The following MACROD2 variants were observed in gnomAD, a reference collection of about 807,000 sequenced individuals.
MACROD2 encodes mono-ADP ribosylhydrolase 2, also known as ADP-ribose glycohydrolase MACROD2.
Under a neutral mutation model 70.4 loss-of-function variants are expected in MACROD2, and 36 were observed. That is an observed-to-expected ratio of 0.51 (90% CI 0.39 to 0.68). The LOEUF is 0.68. Ranked by LOEUF, MACROD2 falls within the 30% of genes least tolerant of loss-of-function variation. The probability of loss-of-function intolerance (pLI) is 0.00; values close to 1 mark genes in which losing one functional copy is unlikely to be tolerated. For synonymous variants in MACROD2, 172 were observed against 178.8 expected (o/e 0.96, Z 0.30); for missense variants, 496 against 538.4 (o/e 0.92, Z 0.78).
intron 8 of MACROD2, among the ~76,000 whole-genome samples, chr20:15,521,519 A>C (rs73098214): frequency 0.077 from 11,796 of 152,282 alleles, 515 homozygotes; most frequent in Non-Finnish European, 0.1. Flanking sequence ...TTTATTGTGG[A>C]GAATGCTAAA....
intron 4 of MACROD2, among the ~76,000 whole-genome samples, chr20:14,631,392 G>C (rs1984496719): frequency 6.6e-6 from 1 of 152,168 alleles, no homozygotes. Context: ...CTCCTGATCA[G>C]TTCATTAGAA....
At chr20:15,288,735 G>C (rs1288845224) in intron 6 of MACROD2, among the ~76,000 whole-genome samples, 1 of 152,130 alleles carries the variant, frequency 6.6e-6, no homozygotes, top group African/African-American at 2.4e-5. Context: ...GATTTGTACT[G>C]AGTCATGCTA....
At chr20:14,491,406 C>A (rs1299908231) in intron 3 of MACROD2, among the ~76,000 whole-genome samples, 4 of 152,124 alleles carry the variant, frequency 2.6e-5, no homozygotes. Context: ...AATTAAGATT[C>A]TATTACATGG....
At position 14,467,250 on chromosome 20, in the gene MACROD2, C is replaced by G. The variant is rs1437628459; in HGVS notation, c.272-26229C>G. Reference sequence around the variant, plus strand: ...TGAGCAATGGCAGGCGCCCCTCCCCCCAGCCTCGCTGCCACCTTGCTGTTT... The same window carrying G: ...TGAGCAATGGCAGGCGCCCCTCCCCGCAGCCTCGCTGCCACCTTGCTGTTT... On this transcript the variant is annotated intron_variant, in intron 3 of 17. Transcript: ENST00000684519. Among the ~76,000 whole-genome samples, 4 of 152,176 alleles carry G rather than the reference C, an allele frequency of 2.6e-5. No homozygotes were observed. The South Asian group carries it at 6.2e-4, about 24-fold the overall frequency.
At chr20:14,274,752 T>C (rs1023395330) in intron 3 of MACROD2, among the ~76,000 whole-genome samples, 2 of 151,960 alleles carry the variant, frequency 1.3e-5, no homozygotes, top group African/African-American at 4.8e-5. Flanking sequence ...AAAACCCCAT[T>C]GTCTCAGCCC....
chr20:15,863,011 A>G lies in MACROD2; in HGVS notation c.727+185A>G, dbSNP rs562513848. On this transcript the variant is annotated intron_variant, in intron 9 of 17. Coordinates refer to ENST00000684519, the MANE Select transcript of MACROD2 (RefSeq NM_001351661.2). ...TAGGCTGTGGAACTCTTGCCCCAAG[A>G]GGTCACTGTGTTGTCTTGGGGAAGT... Among the ~76,000 whole-genome samples, 45 of 151,790 alleles carry G rather than the reference A, an allele frequency of 3.0e-4. No individual in the cohort carries two copies. In the East Asian group the frequency reaches 8.4e-3, roughly 28 times the overall value.
At chr20:14,378,623 T>C (rs1281297966) in intron 3 of MACROD2, among the ~76,000 whole-genome samples, 1 of 152,202 alleles carries the variant, frequency 6.6e-6, no homozygotes, top group East Asian at 1.9e-4. Flanking sequence ...CAGTAGGTAA[T>C]AAAAGAGAGT....
intron 2 of MACROD2, chr20:14,051,836 A>G (rs554516732): frequency 2.1e-6 from 1 of 483,848 alleles, no homozygotes; most frequent in South Asian, 1.5e-5. Context: ...TGAAAGGCCC[A>G]TCCTTTTTGT....
At chr20:15,358,321 T>C (rs1324553850) in intron 6 of MACROD2, among the ~76,000 whole-genome samples, 2 of 152,186 alleles carry the variant, frequency 1.3e-5, no homozygotes, top group East Asian at 1.9e-4. Context: ...AATTTGAACA[T>C]GAAGGAGACT....
At chr20:14,881,510 C>G (rs1245068475) in intron 5 of MACROD2, among the ~76,000 whole-genome samples, 1 of 151,912 alleles carries the variant, frequency 6.6e-6, no homozygotes. Flanking sequence ...TGGGGTAATT[C>G]ATAAATTCCC....
chr20:15,539,305 A>C (rs1372730302), intron 8 of MACROD2, among the ~76,000 whole-genome samples: 1 of 152,240 alleles, frequency 6.6e-6, no homozygotes, highest in Non-Finnish European at 1.5e-5. Context: ...AAGAAGGAGC[A>C]TGTGGGGCTT....
intron 5 of MACROD2, among the ~76,000 whole-genome samples, chr20:15,187,143 A>G (rs1402239901): frequency 6.6e-6 from 1 of 152,234 alleles, no homozygotes; most frequent in African/African-American, 2.4e-5. Context: ...AGCTAGTTTT[A>G]GGAGGCTGCT....
At chr20:15,113,808 G>A (rs956132565) in intron 5 of MACROD2, among the ~76,000 whole-genome samples, 6 of 149,412 alleles carry the variant, frequency 4.0e-5, no homozygotes, top group African/African-American at 1.5e-4. Flanking sequence ...GTGCTGGAGG[G>A]GTTTTTCAGC....
intron 15 of MACROD2, among the ~76,000 whole-genome samples, chr20:16,018,207 A>G (rs2147545146): frequency 6.6e-6 from 1 of 152,334 alleles, no homozygotes; most frequent in Middle Eastern, 3.4e-3. Flanking sequence ...AGAGAAATTA[A>G]GTGCCTAGAA....
At chr20:14,551,468 A>G (rs1472045120) in intron 4 of MACROD2, among the ~76,000 whole-genome samples, 1 of 152,204 alleles carries the variant, frequency 6.6e-6, no homozygotes, top group Admixed American at 6.6e-5. Flanking sequence ...CACACCTCAT[A>G]ATTTCTGACA....
intron 8 of MACROD2, among the ~76,000 whole-genome samples, chr20:15,514,387 T>TA (rs1243790340): frequency 2.6e-5 from 4 of 152,220 alleles, no homozygotes; most frequent in Non-Finnish European, 5.9e-5. Context: ...ACTATACTTT[T>TA]ACTGTACCTT....
At chr20:15,948,376 C>A (rs2065854966) in intron 12 of MACROD2, among the ~76,000 whole-genome samples, 1 of 47,752 alleles carries the variant, frequency 2.1e-5, no homozygotes, top group African/African-American at 7.8e-5. Flanking sequence ...TTAAATCTTG[C>A]AACTGCAAAA....
intron 8 of MACROD2, among the ~76,000 whole-genome samples, chr20:15,644,788 C>T (rs1198655200): frequency 6.6e-6 from 1 of 152,134 alleles, no homozygotes; most frequent in Non-Finnish European, 1.5e-5. Flanking sequence ...CTCCCAGGCT[C>T]AAGTGATTCT....
At chr20:15,572,527 A>G (rs1231729777) in intron 8 of MACROD2, among the ~76,000 whole-genome samples, 1 of 152,098 alleles carries the variant, frequency 6.6e-6, no homozygotes, top group Non-Finnish European at 1.5e-5. Flanking sequence ...ACTGCTGGTA[A>G]ATTTAGCTAA....
Sources: gnomAD v4.1 joint callset for allele counts (sites outside exome capture counted in the v4.1 genomes callset) on GRCh38, gnomAD v4.1.1 for gene constraint, MANE v1.5 for transcripts, NCBI Gene and HGNC (gene_info 2026-07-23, HGNC 2026-07-21) for gene names.